Variants in PHF14 observed in about 807,000 individuals in gnomAD.
PHF14 encodes the protein PHD finger protein 14.
In PHF14, 55 loss-of-function variants were observed where a neutral mutation model predicts 117.9. The observed-to-expected ratio is 0.47, with a 90% CI of 0.38 to 0.58. PHF14 has a LOEUF of 0.58. PHF14 is among the 20% of genes least tolerant of loss of function. The probability of loss-of-function intolerance (pLI) is 0.00; values close to 1 mark genes in which losing one functional copy is unlikely to be tolerated. For synonymous variants in PHF14, 409 were observed against 368.6 expected (o/e 1.11, Z -1.26); for missense variants, 978 against 1,122.2 (o/e 0.87, Z 1.84).
intron 12 of PHF14, among the ~76,000 whole-genome samples, chr7:11,041,567 T>G (rs1784506761): frequency 6.6e-6 from 1 of 151,934 alleles, no homozygotes; most frequent in Non-Finnish European, 1.5e-5. Context: ...AATATCAATC[T>G]CCATAACTAC....
chr7:11,011,582 A>T lies in PHF14; in HGVS notation c.1046-2165A>T, dbSNP rs78705952. Among the ~76,000 whole-genome samples, 89 of 152,320 alleles carry T rather than the reference A, an allele frequency of 5.8e-4. No individual in the cohort carries two copies. In the East Asian group the frequency reaches 0.012, roughly 20 times the overall value. ...AGGATGTTGGGATGGTTGCTATTTT[A>T]TCTTTAGAAATGACCTATTTTGAGA... On this transcript the variant is annotated intron_variant, in intron 4 of 17. Coordinates refer to ENST00000634607, the MANE Select transcript of PHF14 (RefSeq NM_001007157.2).
At chr7:11,039,139 T>C (rs552264159) in intron 11 of PHF14, among the ~76,000 whole-genome samples, 2 of 152,192 alleles carry the variant, frequency 1.3e-5, no homozygotes, top group African/African-American at 2.4e-5. Context: ...AGCTTAAGAC[T>C]TGAAGCATGA....
rs766022927 is a variant in PHF14 at position 11,061,949 on chromosome 7, T to G, written c.2533-15T>G. The stretch of plus-strand genomic sequence containing the variant: ...TTGTTTGTTATGTTTTATTTTATTA[T>G]CCCTTGTATGGCAGGAAAGAGTTCC... On this transcript the variant is annotated splice_polypyrimidine_tract_variant and intron_variant, in intron 15 of 17. Transcript: ENST00000634607. 14 of 1,568,198 alleles carry G rather than the reference T, an allele frequency of 8.9e-6. No homozygotes were observed. The highest frequency in any genetic ancestry group is 1.2e-5 in the Non-Finnish European group (14 of 1,157,692).
intron 16 of PHF14, among the ~76,000 whole-genome samples, chr7:11,096,108 T>C (rs1251626466): frequency 2.6e-5 from 4 of 152,174 alleles, no homozygotes; most frequent in South Asian, 4.1e-4. Context: ...CTTAATCACA[T>C]GGTTTTCCCA....
At chr7:11,156,060 T>C (rs1263491807) in intron 17 of PHF14, among the ~76,000 whole-genome samples, 4 of 152,242 alleles carry the variant, frequency 2.6e-5, no homozygotes, top group African/African-American at 9.6e-5. Context: ...ACTTGCCAAG[T>C]GGCCTGTTTT....
chr7:11,114,271 A>C (rs538514287), intron 17 of PHF14, among the ~76,000 whole-genome samples: 1 of 152,094 alleles, frequency 6.6e-6, no homozygotes, highest in Non-Finnish European at 1.5e-5. Context: ...TGCTGGAAAA[A>C]TGAATTGCAC....
At chr7:10,986,030 GT>G (rs758663691) in intron 3 of PHF14, among the ~76,000 whole-genome samples, 2 of 151,988 alleles carry the variant, frequency 1.3e-5, no homozygotes, top group Non-Finnish European at 2.9e-5. Context: ...GTGCAGTGGT[GT>G]GATCATGGCT....
Position 10,982,603 on chromosome 7 carries a change from A to T in PHF14, c.344A>T (p.Lys115Met), listed in dbSNP as rs218966. 1.3e-6 allele frequency: 2 copies of T among 1,514,316 alleles called. No individual in the cohort carries two copies. Among genetic ancestry groups the T allele is most frequent in the Non-Finnish European group, 1.8e-6 (2 of 1,117,244 alleles). The allele number at this position is 1,514,316 out of a possible 1,614,324, so 93.8% of individuals were successfully genotyped here. A position where few individuals can be genotyped will look rare whatever the true frequency, so the allele number is the denominator to read the frequency against. The stretch of plus-strand genomic sequence containing the variant: ...AATGGAGAAAGACCTAGAAAGAAAA[A>T]GGAGAAAGAGAAGGAAAAAGAAAAG... Reference protein sequence around the residue: ...EENGERPRKKKEKEKEKEKEK... With the variant: ...EENGERPRKKMEKEKEKEKEK... Residue 115 changes from lysine (K) to methionine (M), a missense_variant, in exon 3 of 18, where the codon AAG becomes ATG. Physicochemically the swap from Lys to Met is moderately conservative, Grantham distance 95 (BLOSUM62 -1). Coordinates refer to ENST00000634607, the MANE Select transcript of PHF14 (RefSeq NM_001007157.2).
rs191448029 is a variant in PHF14 at position 10,983,818 on chromosome 7, C to T, written c.900+659C>T. Among the ~76,000 whole-genome samples, 70 of 152,192 alleles carry T rather than the reference C, an allele frequency of 4.6e-4. 1 individual carries two copies. Among genetic ancestry groups the T allele is most frequent in the Non-Finnish European group, 8.2e-4 (56 of 67,974 alleles). On this transcript the variant is annotated intron_variant, in intron 3 of 17. Transcript: ENST00000634607. ...TCCATCATAAAACAGACATTTTTGTCACAAAACTGCAGTAATGGCTCAGTG... is the reference window on the plus strand; with the variant it reads ...TCCATCATAAAACAGACATTTTTGTTACAAAACTGCAGTAATGGCTCAGTG...
intron 7 of PHF14, among the ~76,000 whole-genome samples, chr7:11,030,620 C>T (rs1784088407): frequency 6.6e-6 from 1 of 152,092 alleles, no homozygotes; most frequent in Admixed American, 6.5e-5. Context: ...GTCTGTGTAT[C>T]TTACCTATAA....
At chr7:10,976,094 A>G (rs1781853576) in intron 2 of PHF14, among the ~76,000 whole-genome samples, 1 of 152,218 alleles carries the variant, frequency 6.6e-6, no homozygotes, top group South Asian at 2.1e-4. Context: ...TCAGGCAGTA[A>G]CGGATCCAAT....
In PHF14 at chr7:10,974,831, A is replaced by T. The variant is rs1429229739; in HGVS notation, c.2-4A>T. ...ATGACAATGTAATTTTTTTCTCTTC[A>T]CAGTGGATCGCAGCTCCAAGAGGAG... On this transcript the variant is annotated splice_polypyrimidine_tract_variant and splice_region_variant and intron_variant, in intron 1 of 17. Coordinates refer to ENST00000634607, the MANE Select transcript of PHF14 (RefSeq NM_001007157.2). 1 of 1,503,426 alleles carries T rather than the reference A, an allele frequency of 6.7e-7. No homozygotes were observed. The highest frequency in any genetic ancestry group is 2.3e-5 in the East Asian group (1 of 43,530). 93.1% of individuals were successfully genotyped at this position (1,503,426 alleles called of 1,614,324 possible).
At chr7:11,065,270 T>G (rs79397621) in intron 16 of PHF14, among the ~76,000 whole-genome samples, 3 of 152,080 alleles carry the variant, frequency 2.0e-5, no homozygotes, top group African/African-American at 7.2e-5. Context: ...ATCTAAATGC[T>G]AAAGGTCAAG....
intron 17 of PHF14, among the ~76,000 whole-genome samples, chr7:11,164,308 CTT>C (rs2128357895): frequency 6.6e-6 from 1 of 152,190 alleles, no homozygotes; most frequent in East Asian, 1.9e-4. Flanking sequence ...TATAAAGGGA[CTT>C]AGTAAAAGAA....
At chr7:10,997,133 TTTAC>T (rs1454852603) in intron 4 of PHF14, among the ~76,000 whole-genome samples, 2 of 152,250 alleles carry the variant, frequency 1.3e-5, no homozygotes, top group Non-Finnish European at 2.9e-5. Context: ...GCATACGTGC[TTTAC>T]TTACTTTTTA....
At chr7:11,057,765 T>C (rs2128328350) in intron 14 of PHF14, among the ~76,000 whole-genome samples, 1 of 152,306 alleles carries the variant, frequency 6.6e-6, no homozygotes, top group South Asian at 2.1e-4. Context: ...GCCAATCTCT[T>C]CTATGGATTT....
At chr7:11,107,748 A>G (rs1375495219) in intron 16 of PHF14, 1 of 847,968 alleles carries the variant, frequency 1.2e-6, no homozygotes, top group Admixed American at 6.3e-5. Flanking sequence ...TTATATCCCT[A>G]TACTTTTGTG....
rs187889830 is a variant in PHF14 at position 11,057,648 on chromosome 7, A to T, written c.2482-4143A>T. Reference sequence around the variant, plus strand: ...CTCGGCCTCCCAAAGTACTAAGATCACAGGCCTGAGCCACTGTTCCCGGCC... The same window carrying T: ...CTCGGCCTCCCAAAGTACTAAGATCTCAGGCCTGAGCCACTGTTCCCGGCC... On this transcript the variant is annotated intron_variant, in intron 14 of 17. Coordinates refer to ENST00000634607, the MANE Select transcript of PHF14 (RefSeq NM_001007157.2). Among the ~76,000 whole-genome samples, 29 of 152,322 alleles carry T rather than the reference A, an allele frequency of 1.9e-4. No individual in the cohort carries two copies. The East Asian group carries it at 5.2e-3, about 27-fold the overall frequency.
At chr7:11,115,600 A>C (rs1787576301) in intron 17 of PHF14, among the ~76,000 whole-genome samples, 1 of 151,930 alleles carries the variant, frequency 6.6e-6, no homozygotes, top group South Asian at 2.1e-4. Flanking sequence ...TTCATATCCA[A>C]AATAAAATCA....
Sources: gnomAD v4.1 joint callset for allele counts (sites outside exome capture counted in the v4.1 genomes callset) on GRCh38, gnomAD v4.1.1 for gene constraint, MANE v1.5 for transcripts, NCBI Gene and HGNC (gene_info 2026-07-23, HGNC 2026-07-21) for gene names.